The following ENAH variants were observed in gnomAD, a reference collection of about 807,000 sequenced individuals.
ENAH encodes the protein protein enabled homolog.
In ENAH, 23 loss-of-function variants were observed where a neutral mutation model predicts 78.7. The observed-to-expected ratio is 0.29, with a 90% confidence interval of 0.21 to 0.41. ENAH has a LOEUF of 0.41. ENAH is among the 10% of genes least tolerant of loss of function. ENAH has a pLI of 1.00. For synonymous variants in ENAH, 226 were observed against 241.0 expected (o/e 0.94, Z 0.58); for missense variants, 544 against 691.0 (o/e 0.79, Z 2.39).
chr1:225,498,064 G>C (rs2096259255), intron 13 of ENAH, among the ~76,000 whole-genome samples: 1 of 152,154 alleles, frequency 6.6e-6, no homozygotes, highest in Admixed American at 6.5e-5. Flanking sequence ...CACTGGGATA[G>C]GTGAGTAGAG....
intron 1 of ENAH, among the ~76,000 whole-genome samples, chr1:225,567,919 C>G (rs2151515169): frequency 6.6e-6 from 1 of 152,210 alleles, no homozygotes; most frequent in South Asian, 2.1e-4. Flanking sequence ...CAGGCTTGCC[C>G]TAAAGTCTGT....
intron 2 of ENAH, among the ~76,000 whole-genome samples, chr1:225,557,299 G>C (rs760944428): frequency 3.9e-5 from 6 of 151,984 alleles, no homozygotes; most frequent in Non-Finnish European, 7.4e-5. Context: ...CTAAGTATTA[G>C]AATCTTCTAA....
In ENAH at chr1:225,576,086, T is replaced by C. The variant is rs114176747; in HGVS notation, c.6-8672A>G. On this transcript the variant is annotated intron_variant, in intron 1 of 13. Transcript: ENST00000366843. ...AATCAGCTGTGCAGCCTGGGCAACA[T>C]AGCAAGACCCCCACCTCTACAGAAA... Among the ~76,000 whole-genome samples the C allele has an allele frequency of 5.5e-3, 833 of 152,010 alleles. 10 individuals carry two copies. The highest frequency in any genetic ancestry group is 0.019 in the African/African-American group (797 of 41,474).
intron 1 of ENAH, among the ~76,000 whole-genome samples, chr1:225,620,005 A>G (rs1448826827): frequency 2.6e-5 from 4 of 152,148 alleles, no homozygotes; most frequent in African/African-American, 9.7e-5. Flanking sequence ...GTTTAGCCTA[A>G]TAGTGTAACA....
intron 1 of ENAH, among the ~76,000 whole-genome samples, chr1:225,600,243 G>A (rs1233209620): frequency 1.3e-5 from 2 of 152,094 alleles, no homozygotes; most frequent in Admixed American, 1.3e-4. Context: ...CGTAGAAAAT[G>A]AGTAAGACCG....
rs76668416 is a variant in ENAH at position 225,561,470 on chromosome 1, A to G, written c.171+5779T>C. 2.6e-4 allele frequency among the ~76,000 whole-genome samples: 40 copies of G among 151,350 alleles called. No homozygotes were observed. In the East Asian group the frequency reaches 7.5e-3, roughly 28 times the overall value. On this transcript the variant is annotated intron_variant, in intron 2 of 13. Transcript: ENST00000366843. ...AACCCTGTCTCTACTAAAAATATAA[A>G]AATTAGCCAGGTGTGGTGGCACATG...
At chr1:225,635,868 A>G (rs1351858459) in intron 1 of ENAH, among the ~76,000 whole-genome samples, 3 of 152,238 alleles carry the variant, frequency 2.0e-5, no homozygotes, top group African/African-American at 7.2e-5. Context: ...GACTGCCAGC[A>G]AACCCAAGCC....
intron 4 of ENAH, among the ~76,000 whole-genome samples, chr1:225,524,953 T>C (rs937708846): frequency 2.6e-5 from 4 of 152,176 alleles, no homozygotes; most frequent in African/African-American, 7.2e-5. Flanking sequence ...ATGTGCTCTA[T>C]TGACTCTACA....
intron 1 of ENAH, among the ~76,000 whole-genome samples, chr1:225,571,114 C>T (rs1241485855): frequency 6.6e-6 from 1 of 151,974 alleles, no homozygotes; most frequent in Non-Finnish European, 1.5e-5. Context: ...CACAGTGGCT[C>T]GTGCCTGTAA....
intron 1 of ENAH, among the ~76,000 whole-genome samples, chr1:225,599,443 T>A (rs527786334): frequency 6.6e-6 from 1 of 152,302 alleles, no homozygotes; most frequent in East Asian, 1.9e-4. Context: ...CCTGTGTTAT[T>A]CACACTGCGG....
chr1:225,493,082 T>C lies in ENAH; in HGVS notation c.*4693A>G, dbSNP rs1447421876. On this transcript the variant is annotated 3_prime_UTR_variant, in exon 14 of 14. Coordinates refer to ENST00000366843, the MANE Select transcript of ENAH (RefSeq NM_018212.6). The stretch of plus-strand genomic sequence containing the variant: ...AATTTACTGCATTAATATTTTACTT[T>C]TCTTTCTAATCAATTTTAGGTTTTA... The C allele has an allele frequency of 6.6e-6, 1 of 152,234 alleles. No individual in the cohort carries two copies. The highest frequency in any genetic ancestry group is 1.5e-5 in the Non-Finnish European group (1 of 68,030). The allele number at this position is 152,234 out of a possible 1,614,324, so 9.4% of individuals were successfully genotyped here.
intron 1 of ENAH, among the ~76,000 whole-genome samples, chr1:225,572,542 G>C (rs557158772): frequency 6.6e-6 from 1 of 152,044 alleles, no homozygotes; most frequent in Non-Finnish European, 1.5e-5. Context: ...TTTCTCCCTG[G>C]TCCAGTGAAA....
At chr1:225,593,782 A>G (rs1004289665) in intron 1 of ENAH, among the ~76,000 whole-genome samples, 1 of 152,208 alleles carries the variant, frequency 6.6e-6, no homozygotes, top group Non-Finnish European at 1.5e-5. Flanking sequence ...TCTGGAACTT[A>G]TTGTCCTGTG....
rs918573133 is a variant in ENAH at position 225,571,382 on chromosome 1, G to GA, written c.6-3969dup. ...AGTGAGACTCTGTCTCAAAAAAAAA[G>GA]AAAAAAAAGAAAGAAAAACAAAAGA... On this transcript the variant is annotated intron_variant, in intron 1 of 13. Transcript: ENST00000366843. Among the ~76,000 whole-genome samples the GA allele has an allele frequency of 5.3e-5, 8 of 150,686 alleles. No homozygotes were observed. The South Asian group carries it at 6.3e-4, about 12-fold the overall frequency.
intron 11 of ENAH, among the ~76,000 whole-genome samples, chr1:225,505,494 C>T (rs1301815079): frequency 1.3e-5 from 2 of 152,194 alleles, no homozygotes; most frequent in Non-Finnish European, 1.5e-5. Flanking sequence ...GACATATTCA[C>T]TTAACAAATA....
chr1:225,640,385 T>C (rs1261614617), intron 1 of ENAH, among the ~76,000 whole-genome samples: 1 of 152,204 alleles, frequency 6.6e-6, no homozygotes, highest in Non-Finnish European at 1.5e-5. Context: ...CTCTGAAATG[T>C]TCTAGGTCAA....
rs371486457 is a variant in ENAH at position 225,494,064 on chromosome 1, C to CAAAAAAAAAAAAAAAAAAAA, written c.*3710_*3711insTTTTTTTTTTTTTTTTTTTT. 1.4e-5 allele frequency: 1 copy of CAAAAAAAAAAAAAAAAAAAA among 73,160 alleles called. No individual in the cohort carries two copies. The highest frequency in any genetic ancestry group is 2.4e-5 in the Non-Finnish European group (1 of 41,096). The allele number at this position is 73,160 out of a possible 1,614,324, so 4.5% of individuals were successfully genotyped here. ...AGCAAGAACATGAGACAGGCTAGAG[C>CAAAAAAAAAAAAAAAAAAAA]AAAAAAAAAAAAAAAAAAACAGCTG... On this transcript the variant is annotated 3_prime_UTR_variant, in exon 14 of 14. Coordinates refer to ENST00000366843, the MANE Select transcript of ENAH (RefSeq NM_018212.6).
At chr1:225,597,416 T>C (rs1477916779) in intron 1 of ENAH, among the ~76,000 whole-genome samples, 1 of 151,992 alleles carries the variant, frequency 6.6e-6, no homozygotes, top group Non-Finnish European at 1.5e-5. Flanking sequence ...TCTCAACACC[T>C]TGAGAGGCCG....
At chr1:225,555,203 C>T in intron 2 of ENAH, 120 bp from the exon 3 acceptor site, 2 of 762,692 alleles carry the variant, frequency 2.6e-6, no homozygotes, top group Middle Eastern at 7.7e-4. Context: ...GCAAAAATTG[C>T]TTAAACAATT....
Sources: allele counts gnomAD v4.1 joint callset (sites outside exome capture counted in the v4.1 genomes callset), GRCh38; gene constraint gnomAD v4.1.1; transcripts MANE v1.5; gene names NCBI Gene and HGNC (gene_info 2026-07-23, HGNC 2026-07-21).